Variants in TRIM36 observed in about 807,000 individuals in gnomAD.
The protein encoded by TRIM36 is tripartite motif containing 36, also known as E3 ubiquitin-protein ligase TRIM36.
Under a neutral mutation model 72.4 loss-of-function variants are expected in TRIM36, and 42 were observed. The observed-to-expected ratio is 0.58, with a 90% CI of 0.45 to 0.75. TRIM36 has a LOEUF of 0.75. Ranked by LOEUF, TRIM36 falls within the 30% of genes least tolerant of loss-of-function variation. The pLI, the probability that TRIM36 is intolerant of heterozygous loss-of-function variation, is 0.00. For missense variants in TRIM36, 913 were observed against 857.1 expected (o/e 1.07, Z -0.81); for synonymous variants, 315 against 282.8 (o/e 1.11, Z -1.14).
chr5:115,158,696 T>C (rs1007991988), intron 2 of TRIM36, among the ~76,000 whole-genome samples: 2 of 152,264 alleles, frequency 1.3e-5, no homozygotes, highest in Non-Finnish European at 2.9e-5. Context: ...TTGGGTATTA[T>C]ATCAGCATTC....
intron 9 of TRIM36, among the ~76,000 whole-genome samples, chr5:115,129,237 T>C (rs1410011439): frequency 1.3e-5 from 2 of 152,222 alleles, no homozygotes; most frequent in Non-Finnish European, 2.9e-5. Context: ...TCTCAGAACA[T>C]ATTCCTGTTG....
chr5:115,179,998 T>C (rs1362335331), exon 1 of TRIM36: 8 of 1,614,086 alleles, frequency 5.0e-6, no homozygotes, highest in Non-Finnish European at 6.8e-6. Context: ...ATCAATTCCA[T>C]GATGTAGCCA....
At chr5:115,175,946 G>A (rs1266206707) in intron 1 of TRIM36, among the ~76,000 whole-genome samples, 4 of 152,062 alleles carry the variant, frequency 2.6e-5, no homozygotes, top group East Asian at 3.8e-4. Context: ...CCAACATGGC[G>A]AAACCCTGTC....
At position 115,163,560 on chromosome 5, in the gene TRIM36, G is replaced by T; in HGVS notation, c.220C>A (p.Pro74Thr). The T allele has an allele frequency of 6.2e-7, 1 of 1,614,170 alleles. No homozygotes were observed. Among genetic ancestry groups the T allele is most frequent in the Non-Finnish European group, 8.5e-7 (1 of 1,180,042 alleles). Reference protein sequence around the residue: ...SNQSSPRLRLPSPSMDKIDRI... With the variant: ...SNQSSPRLRLTSPSMDKIDRI... ...TCAATTTTATCCATACTAGGGGAGG[G>T]GAGCCGAAGTCGAGGACTGCTTTGA... The change falls in exon 2 of 10, where the codon CCC (proline) becomes ACC (threonine). Residue 74 changes from proline to threonine, a missense_variant. Pro to Thr is a conservative substitution (Grantham distance 38). Coordinates refer to ENST00000513154, the MANE Select transcript of TRIM36 (RefSeq NM_001300759.2).
At position 115,153,431 on chromosome 5, in the gene TRIM36, G is replaced by A. The variant is rs72811796; in HGVS notation, c.263-6037C>T. ...AAGAAATGAGATAGACAGCAACACAGTAATACTGGGAGGTATCAATACACC... is the reference window on the plus strand; with the variant it reads ...AAGAAATGAGATAGACAGCAACACAATAATACTGGGAGGTATCAATACACC... On this transcript the variant is annotated intron_variant, in intron 2 of 9. Coordinates refer to ENST00000513154, the MANE Select transcript of TRIM36 (RefSeq NM_001300759.2). 3.4e-3 allele frequency among the ~76,000 whole-genome samples: 511 copies of A among 152,236 alleles called. 1 individual carries two copies. Among genetic ancestry groups the A allele is most frequent in the Non-Finnish European group, 5.4e-3 (365 of 68,016 alleles).
At chr5:115,168,751 T>C (rs1276592442) in intron 1 of TRIM36, among the ~76,000 whole-genome samples, 1 of 152,244 alleles carries the variant, frequency 6.6e-6, no homozygotes, top group East Asian at 1.9e-4. Flanking sequence ...ATTCACATCC[T>C]ATCTCATTTC....
chr5:115,177,860 C>T (rs1209527485), intron 1 of TRIM36: 1 of 1,613,912 alleles, frequency 6.2e-7, no homozygotes, highest in African/African-American at 1.3e-5. Flanking sequence ...TGCTGCAGGC[C>T]CATTGCTGAA....
chr5:115,154,803 G>T (rs969079598), intron 2 of TRIM36, among the ~76,000 whole-genome samples: 1 of 152,164 alleles, frequency 6.6e-6, no homozygotes, highest in Non-Finnish European at 1.5e-5. Context: ...CCATGAGATA[G>T]AGAAAGAGGA....
In TRIM36 at chr5:115,125,127, TAAC is replaced by T. The variant is rs1445427877; in HGVS notation, c.*1373_*1375del. The T allele has an allele frequency of 1.3e-5, 2 of 152,420 alleles. No homozygotes were observed. Among genetic ancestry groups the T allele is most frequent in the South Asian group, 2.1e-4 (1 of 4,830 alleles). 9.4% of individuals were successfully genotyped at this position (152,420 alleles called of 1,614,324 possible). On this transcript the variant is annotated 3_prime_UTR_variant, in exon 10 of 10. Transcript: ENST00000513154. ...GAGTAACAGATTTCCATTAAAAATATAACAACAAGGACAACCAAAAAAAACAGG... is the reference window on the plus strand; with the variant it reads ...GAGTAACAGATTTCCATTAAAAATATAACAAGGACAACCAAAAAAAACAGG...
chr5:115,127,404 T>A (rs1050607928), intron 9 of TRIM36, among the ~76,000 whole-genome samples: 1 of 152,070 alleles, frequency 6.6e-6, no homozygotes, highest in Non-Finnish European at 1.5e-5. Flanking sequence ...CTACTAAAAA[T>A]CCAAAAATTA....
intron 7 of TRIM36, 141 bp downstream of exon 7, chr5:115,136,859 A>G: frequency 1.5e-6 from 1 of 687,548 alleles, no homozygotes; most frequent in Admixed American, 3.8e-5. Context: ...CATAAATAGG[A>G]TATGATTTCA....
chr5:115,137,568 G>A lies in TRIM36; in HGVS notation c.880C>T (p.Leu294Phe). ...KEEAITHFEKLFEVLEERKSS... is the reference protein window; with the variant it reads ...KEEAITHFEKFFEVLEERKSS... ...TTCCTCTCTTCCAGAACTTCAAAGA[G>A]CTTTTCAAAATGTGTAATTGCTTCT... Residue 294 changes from leucine (L) to phenylalanine (F), a missense_variant, in exon 6 of 10, where the codon CTC (leucine) becomes TTC (phenylalanine). Physicochemically the swap from Leu to Phe is conservative, Grantham distance 22. Transcript: ENST00000513154. The A allele has an allele frequency of 6.2e-7, 1 of 1,613,488 alleles. No homozygotes were observed. The highest frequency in any genetic ancestry group is 8.5e-7 in the Non-Finnish European group (1 of 1,179,844).
chr5:115,128,098 C>G (rs1383787845), intron 9 of TRIM36, among the ~76,000 whole-genome samples: 18 of 130,978 alleles, frequency 1.4e-4, no homozygotes, highest in Admixed American at 1.0e-3. Context: ...TTGGGGGGGG[C>G]CAGGAGTGGT....
intron 7 of TRIM36, 80 bp from the exon 8 acceptor site, chr5:115,134,227 A>G (rs1217800225): frequency 1.5e-6 from 2 of 1,306,200 alleles, no homozygotes; most frequent in African/African-American, 3.0e-5. Context: ...AAAATGACAT[A>G]TAAACAGTAT....
intron 8 of TRIM36, among the ~76,000 whole-genome samples, chr5:115,133,090 C>T (rs936223675): frequency 6.6e-6 from 1 of 152,040 alleles, no homozygotes; most frequent in African/African-American, 2.4e-5. Flanking sequence ...TAAAAAGAGG[C>T]AAGGGACAGT....
chr5:115,158,469 A>G (rs940117006), intron 2 of TRIM36, among the ~76,000 whole-genome samples: 4 of 152,232 alleles, frequency 2.6e-5, no homozygotes, highest in Non-Finnish European at 4.4e-5. Context: ...GTTCATAACT[A>G]ACAGGTTCCA....
intron 2 of TRIM36, among the ~76,000 whole-genome samples, chr5:115,151,550 C>T (rs1285887635): frequency 6.6e-6 from 1 of 152,186 alleles, no homozygotes; most frequent in African/African-American, 2.4e-5. Flanking sequence ...TTGGAAAGTG[C>T]CACCTCCTGG....
intron 2 of TRIM36, 84 bp from the exon 3 acceptor site, chr5:115,147,478 A>G (rs962818367): frequency 5.4e-5 from 75 of 1,394,650 alleles, no homozygotes; most frequent in Middle Eastern, 3.7e-4. Context: ...TCTTAGAGAC[A>G]TATCTACAAA....
chr5:115,169,932 G>T, upstream of TRIM36: 1 of 1,257,142 alleles, frequency 8.0e-7, no homozygotes, highest in African/African-American at 1.6e-5. Context: ...GCCGCGCAGA[G>T]ACCTGGGCGG....
Sources: allele counts gnomAD v4.1 joint callset (sites outside exome capture counted in the v4.1 genomes callset), GRCh38; gene constraint gnomAD v4.1.1; transcripts MANE v1.5; gene names NCBI Gene and HGNC (gene_info 2026-07-23, HGNC 2026-07-21).